The following PPARG variants were observed in gnomAD, a reference collection of about 807,000 sequenced individuals.
The protein encoded by PPARG is peroxisome proliferator activated receptor gamma, also known as peroxisome proliferator-activated receptor gamma.
In PPARG, 17 loss-of-function variants were observed where a neutral mutation model predicts 39.2. That is an observed-to-expected ratio of 0.43 (90% CI 0.30 to 0.65). The LOEUF is 0.65. Ranked by LOEUF, PPARG falls within the 30% of genes least tolerant of loss-of-function variation. The pLI, the probability that PPARG is intolerant of heterozygous loss-of-function variation, is 0.13. For missense variants in PPARG, 406 were observed against 585.9 expected (o/e 0.69, Z 3.17); for synonymous variants, 223 against 215.7 (o/e 1.03, Z -0.30).
intron 2 of PPARG, among the ~76,000 whole-genome samples, chr3:12,328,765 A>T (rs983602264): frequency 2.6e-5 from 4 of 152,116 alleles, no homozygotes; most frequent in Non-Finnish European, 1.5e-5. Flanking sequence ...TCTTTGACTA[A>T]CGCCTCAGCT....
chr3:12,336,927 A>G (rs951828544), intron 2 of PPARG, among the ~76,000 whole-genome samples: 7 of 152,242 alleles, frequency 4.6e-5, no homozygotes, highest in African/African-American at 1.4e-4. Flanking sequence ...CTTTAAAAAT[A>G]CAGTAGCTTG....
chr3:12,396,100 A>T (rs1022403623), intron 5 of PPARG, among the ~76,000 whole-genome samples: 4 of 152,112 alleles, frequency 2.6e-5, no homozygotes, highest in South Asian at 2.1e-4. Flanking sequence ...ATTGCATTTT[A>T]AAAATATGTC....
intron 2 of PPARG, among the ~76,000 whole-genome samples, chr3:12,365,436 TA>T (rs1261733176): frequency 6.6e-6 from 1 of 152,218 alleles, no homozygotes; most frequent in African/African-American, 2.4e-5. Context: ...GTGGTGTATC[TA>T]AAAAGTCCTA....
At chr3:12,290,667 G>A (rs2046626405) in intron 1 of PPARG, among the ~76,000 whole-genome samples, 1 of 152,108 alleles carries the variant, frequency 6.6e-6, no homozygotes, top group Admixed American at 6.5e-5. Flanking sequence ...TTTTTAATCA[G>A]TGTTATATAA....
chr3:12,327,858 A>C (rs916177863), intron 2 of PPARG: 2 of 479,554 alleles, frequency 4.2e-6, no homozygotes, highest in Non-Finnish European at 7.4e-6. Flanking sequence ...TGTTATCACA[A>C]ACAAAGCAAG....
intron 2 of PPARG, among the ~76,000 whole-genome samples, chr3:12,322,978 T>A (rs2047588849): frequency 6.6e-6 from 1 of 151,220 alleles, no homozygotes; most frequent in South Asian, 2.1e-4. Context: ...ATTTTTGTAT[T>A]TTTTTTTAAT....
intron 4 of PPARG, among the ~76,000 whole-genome samples, chr3:12,386,836 A>G (rs144408916): frequency 6.6e-6 from 1 of 152,198 alleles, no homozygotes; most frequent in African/African-American, 2.4e-5. Flanking sequence ...TGTCATTTAC[A>G]TTAGGTATTT....
chr3:12,394,995 G>A (rs774343690), intron 5 of PPARG, among the ~76,000 whole-genome samples: 2 of 152,138 alleles, frequency 1.3e-5, no homozygotes, highest in Non-Finnish European at 2.9e-5. Context: ...CCTTATTTCT[G>A]CTCCCTGGTC....
At chr3:12,410,362 G>A (rs903514200) in intron 6 of PPARG, among the ~76,000 whole-genome samples, 3 of 152,160 alleles carry the variant, frequency 2.0e-5, no homozygotes, top group Admixed American at 1.3e-4. Context: ...GATCACACTG[G>A]GCGTATCATT....
intron 2 of PPARG, among the ~76,000 whole-genome samples, chr3:12,322,460 G>T (rs1183330891): frequency 6.6e-6 from 1 of 152,166 alleles, no homozygotes; most frequent in Non-Finnish European, 1.5e-5. Context: ...AAATAATAGA[G>T]CCAGGCAATA....
chr3:12,337,412 C>T lies in PPARG; in HGVS notation c.-9+24959C>T, dbSNP rs1319732600. Among the ~76,000 whole-genome samples the T allele has an allele frequency of 3.3e-5, 5 of 152,094 alleles. No homozygotes were observed. In the East Asian group the frequency reaches 9.6e-4, roughly 29 times the overall value. ...GTGGGAGGACAGGTGGGTGTGTGGG[C>T]AGAGTATAGCAATAATATTGTTAAC... is the stretch of plus-strand genomic sequence containing the variant. On this transcript the variant is annotated intron_variant, in intron 2 of 7. Transcript: ENST00000651735.
At chr3:12,379,963 T>G in intron 3 of PPARG, 32 bp downstream of exon 3, 1 of 1,530,822 alleles carries the variant, frequency 6.5e-7, no homozygotes. Context: ...TTCAGACTAC[T>G]AGGACTAGAA....
intron 2 of PPARG, among the ~76,000 whole-genome samples, chr3:12,361,722 A>G (rs2048852908): frequency 1.3e-5 from 2 of 152,360 alleles, no homozygotes; most frequent in Middle Eastern, 3.4e-3. Context: ...GATTGCCTTA[A>G]GTACTGTAAC....
At chr3:12,381,540 C>T in intron 4 of PPARG, 49 bp downstream of exon 4, 2 of 1,576,980 alleles carry the variant, frequency 1.3e-6, no homozygotes, top group African/African-American at 1.3e-5. Flanking sequence ...TTTATTATTT[C>T]ATTTCAGCAG....
intron 2 of PPARG, among the ~76,000 whole-genome samples, chr3:12,374,171 A>G (rs548739120): frequency 6.6e-6 from 1 of 152,322 alleles, no homozygotes; most frequent in East Asian, 1.9e-4. Context: ...TTACTAGTAG[A>G]GGACAGCAAA....
chr3:12,291,025 TTGGACTTGGAAATACAGTA>T (rs1185592550), intron 1 of PPARG, among the ~76,000 whole-genome samples: 2 of 152,172 alleles, frequency 1.3e-5, no homozygotes, highest in Non-Finnish European at 2.9e-5. Flanking sequence ...TCGTTGTCAC[TTGGACTTGGAAATACAGTA>T]TGTCATTAGG....
intron 2 of PPARG, among the ~76,000 whole-genome samples, chr3:12,357,000 A>C (rs911955895): frequency 6.6e-6 from 1 of 152,058 alleles, no homozygotes; most frequent in African/African-American, 2.4e-5. Context: ...CTCTAAACTG[A>C]AAATGTGTTC....
At chr3:12,411,825 G>A (rs2050889151) in intron 6 of PPARG, among the ~76,000 whole-genome samples, 1 of 152,084 alleles carries the variant, frequency 6.6e-6, no homozygotes, top group South Asian at 2.1e-4. Context: ...AATGAGTTTT[G>A]GATTGTAGCT....
intron 2 of PPARG, among the ~76,000 whole-genome samples, chr3:12,330,222 C>A (rs779872793): frequency 2.7e-5 from 4 of 149,832 alleles, no homozygotes; most frequent in African/African-American, 4.9e-5. Context: ...AACTGCTTTT[C>A]ACAGCTGCTA....
Sources: gnomAD v4.1 joint callset for allele counts (sites outside exome capture counted in the v4.1 genomes callset) on GRCh38, gnomAD v4.1.1 for gene constraint, MANE v1.5 for transcripts, NCBI Gene and HGNC (gene_info 2026-07-23, HGNC 2026-07-21) for gene names.